Variants in MAGI3 observed in about 807,000 individuals in gnomAD.
MAGI3 encodes membrane associated guanylate kinase, WW and PDZ domain containing 3, also known as membrane-associated guanylate kinase, WW and PDZ domain-containing protein 3.
Under a neutral mutation model 121.8 loss-of-function variants are expected in MAGI3, and 43 were observed. The observed-to-expected ratio is 0.35, with a 90% confidence interval of 0.28 to 0.46. MAGI3 has a LOEUF of 0.46. Ranked by LOEUF, MAGI3 falls within the 20% of genes least tolerant of loss-of-function variation. MAGI3 has a pLI of 1.00. For synonymous variants in MAGI3, 553 were observed against 639.3 expected, an observed-to-expected ratio of 0.86 and a Z score of 2.04; for missense variants, 1,547 against 1,797.3, an observed-to-expected ratio of 0.86 and a Z score of 2.52.
rs1257581318 is a variant in MAGI3, at chr1:113,684,631, T to C, written c.*617T>C. 1 of 152,362 alleles carries C rather than the reference T, an allele frequency of 6.6e-6. No individual in the cohort carries two copies. The highest frequency in any genetic ancestry group is 1.5e-5 in the Non-Finnish European group (1 of 68,030). 9.4% of individuals were successfully genotyped at this position (152,362 alleles called of 1,614,324 possible). ...AAAAAATGTAGTCCAATATTGATGC[T>C]TTCTTATGGCTTTTTATTTTAATTT... On this transcript the variant is annotated 3_prime_UTR_variant, in exon 21 of 21. Coordinates refer to ENST00000307546, the MANE Select transcript of MAGI3 (RefSeq NM_001142782.2).
intron 2 of MAGI3, among the ~76,000 whole-genome samples, chr1:113,578,960 G>GT (rs60070679): frequency 0.03 from 4,527 of 151,456 alleles, 232 homozygotes; most frequent in African/African-American, 0.1. Flanking sequence ...CATAATCTTT[G>GT]TTTTTTTTTG....
chr1:113,669,318 T>C (rs1391149731), intron 16 of MAGI3, among the ~76,000 whole-genome samples: 2 of 152,164 alleles, frequency 1.3e-5, no homozygotes, highest in African/African-American at 4.8e-5. Flanking sequence ...ATTCTTGCAA[T>C]CAAGGAGTTC....
rs550297882 is a variant in MAGI3, at chr1:113,622,739, TTGACTC to T, written c.1172-63_1172-58del. 1.5e-4 allele frequency: 191 copies of T among 1,253,766 alleles called. No homozygotes were observed. In the African/African-American group the frequency reaches 2.7e-3, roughly 18 times the overall value. The allele number at this position is 1,253,766 out of a possible 1,614,324, so 77.7% of individuals were successfully genotyped here. On this transcript the variant is annotated intron_variant, in intron 8 of 20. Coordinates refer to ENST00000307546, the MANE Select transcript of MAGI3 (RefSeq NM_001142782.2). The stretch of plus-strand genomic sequence containing the variant: ...TAACATTAAAAAGTCATATAAAAGA[TTGACTC>T]TGAGTGCTATATTCATTGTAATTAT...
intron 1 of MAGI3, among the ~76,000 whole-genome samples, chr1:113,430,656 G>A (rs1002630225): frequency 2.0e-5 from 3 of 152,020 alleles, no homozygotes; most frequent in Non-Finnish European, 2.9e-5. Flanking sequence ...AATTGTGTTC[G>A]TACTAGATCA....
At chr1:113,527,404 G>A (rs1414610574) in intron 1 of MAGI3, among the ~76,000 whole-genome samples, 1 of 152,166 alleles carries the variant, frequency 6.6e-6, no homozygotes, top group Non-Finnish European at 1.5e-5. Flanking sequence ...TGATAATTAA[G>A]CTGTGGAAAT....
At chr1:113,449,799 G>C in intron 1 of MAGI3, 1 of 1,137,154 alleles carries the variant, frequency 8.8e-7, no homozygotes, top group Non-Finnish European at 1.3e-6. Context: ...AGAACATTTT[G>C]AGAAATGGGG....
chr1:113,659,384 G>C, intron 16 of MAGI3, 119 bp downstream of exon 16: 1 of 841,510 alleles, frequency 1.2e-6, no homozygotes, highest in South Asian at 1.9e-5. Context: ...GTGTATGCAC[G>C]CTGGAGTCTT....
rs1295224482 is a variant in MAGI3 at position 113,390,537 on chromosome 1, G to A, written c.-497G>A. On this transcript the variant is annotated 5_prime_UTR_variant, in exon 1 of 21. Transcript: ENST00000307546. ...GGCAGTTTCCTGGCAGCTTGGGCAG[G>A]CGTTGGTCTCCGCGCTACAGCTCCG... 6.6e-6 allele frequency among the ~76,000 whole-genome samples: 1 copy of A among 152,122 alleles called. No individual in the cohort carries two copies. The highest frequency in any genetic ancestry group is 1.5e-5 in the Non-Finnish European group (1 of 67,982).
rs964948967 is a variant in MAGI3 at position 113,658,328 on chromosome 1, A to G, written c.2630-752A>G. 3.9e-5 allele frequency among the ~76,000 whole-genome samples: 6 copies of G among 152,246 alleles called. No individual in the cohort carries two copies. The highest frequency in any genetic ancestry group is 8.8e-5 in the Non-Finnish European group (6 of 68,044). On this transcript the variant is annotated intron_variant, in intron 15 of 20. Coordinates refer to ENST00000307546, the MANE Select transcript of MAGI3 (RefSeq NM_001142782.2). This position sits in a 1 kb window ranked among gnomAD's most constrained non-coding sequence, Gnocchi z 4.0. Reference sequence around the variant, plus strand: ...AGGAAGGCTCTTAGCATTATAAGCTAGAGATACAGTAGAGCTACACAGAGC... The same window carrying G: ...AGGAAGGCTCTTAGCATTATAAGCTGGAGATACAGTAGAGCTACACAGAGC...
chr1:113,503,385 C>T (rs1161729999), intron 1 of MAGI3, among the ~76,000 whole-genome samples: 2 of 138,450 alleles, frequency 1.4e-5, no homozygotes, highest in Admixed American at 1.5e-4. Context: ...TTATAATTTT[C>T]TCAATACTGT....
intron 1 of MAGI3, among the ~76,000 whole-genome samples, chr1:113,459,527 C>T (rs1037205566): frequency 6.6e-6 from 1 of 152,286 alleles, no homozygotes; most frequent in Non-Finnish European, 1.5e-5. Context: ...TCATATTGTA[C>T]ATTCATTCCT....
chr1:113,414,853 A>G (rs1215533985), intron 1 of MAGI3, among the ~76,000 whole-genome samples: 1 of 152,094 alleles, frequency 6.6e-6, no homozygotes, highest in Non-Finnish European at 1.5e-5. Flanking sequence ...CCAAGCTAAC[A>G]TATATTACTA....
chr1:113,558,156 C>T (rs912721351), intron 2 of MAGI3, among the ~76,000 whole-genome samples: 7 of 152,196 alleles, frequency 4.6e-5, no homozygotes, highest in African/African-American at 1.2e-4. Context: ...TACCCCCTCT[C>T]CTCCAAATGA....
intron 1 of MAGI3, among the ~76,000 whole-genome samples, chr1:113,427,022 C>T (rs987416579): frequency 5.9e-5 from 9 of 151,778 alleles, no homozygotes; most frequent in Admixed American, 2.6e-4. Context: ...TGTATGTATA[C>T]ATATATTACT....
At chr1:113,409,319 A>C (rs977351938) in intron 1 of MAGI3, among the ~76,000 whole-genome samples, 1 of 152,088 alleles carries the variant, frequency 6.6e-6, no homozygotes, top group African/African-American at 2.4e-5. Flanking sequence ...TATTTGGGAT[A>C]TATCTTTCAA....
intron 7 of MAGI3, among the ~76,000 whole-genome samples, chr1:113,618,041 G>C (rs1488390155): frequency 6.6e-6 from 1 of 151,916 alleles, no homozygotes; most frequent in Non-Finnish European, 1.5e-5. Flanking sequence ...TCCTTTTTTT[G>C]AAAGTGTTTT....
At chr1:113,608,451 G>T (rs1055339240) in intron 6 of MAGI3, among the ~76,000 whole-genome samples, 1 of 152,190 alleles carries the variant, frequency 6.6e-6, no homozygotes, top group Non-Finnish European at 1.5e-5. Flanking sequence ...GTCAGCAAAT[G>T]AATGTTAGCC....
intron 1 of MAGI3, 28 bp from the exon 2 acceptor site, chr1:113,549,487 C>CT: frequency 1.7e-6 from 2 of 1,156,836 alleles, no homozygotes; most frequent in African/African-American, 1.6e-5. Flanking sequence ...CATTTATTTT[C>CT]TGTTTTTTTT....
At chr1:113,473,931 G>T (rs941927787) in intron 1 of MAGI3, among the ~76,000 whole-genome samples, 10 of 152,122 alleles carry the variant, frequency 6.6e-5, no homozygotes, top group Non-Finnish European at 1.5e-4. Context: ...ACCATCTGTT[G>T]TTTCCTGAAT....
Sources: gnomAD v4.1 joint callset for allele counts (sites outside exome capture counted in the v4.1 genomes callset) on GRCh38, gnomAD v4.1.1 for gene constraint, Gnocchi (gnomAD v3.1) non-coding constraint, MANE v1.5 for transcripts, NCBI Gene and HGNC (gene_info 2026-07-23, HGNC 2026-07-21) for gene names.